The following VCAN variants were observed in gnomAD, a reference collection of about 807,000 sequenced individuals.
VCAN encodes versican, also known as versican core protein.
VCAN carries 44 observed loss-of-function variants against 245.5 expected under a neutral mutation model. That is an observed-to-expected ratio of 0.18 (90% CI 0.14 to 0.23). The LOEUF (loss-of-function observed/expected upper bound fraction) is 0.23, where lower values mean the gene tolerates loss of function less well. VCAN is among the 10% of genes least tolerant of loss of function. VCAN has a pLI of 1.00. For missense variants in VCAN, 3,793 were observed against 4,057.9 expected, an observed-to-expected ratio of 0.93 and a Z score of 1.77; for synonymous variants, 1,413 against 1,437.0, an observed-to-expected ratio of 0.98 and a Z score of 0.38.
At position 83,555,058 on chromosome 5, in the gene VCAN, G is replaced by T; in HGVS notation, c.9735+20G>T. ...ACACTGGTAAGATGCCCTTGAAAATGATGTCAAGTTCTACCTTCTGGAAAT... is the reference window on the plus strand; with the variant it reads ...ACACTGGTAAGATGCCCTTGAAAATTATGTCAAGTTCTACCTTCTGGAAAT... On this transcript the variant is annotated intron_variant, in intron 12 of 14. Transcript: ENST00000265077. The T allele has an allele frequency of 6.2e-7, 1 of 1,612,612 alleles. No individual in the cohort carries two copies. The highest frequency in any genetic ancestry group is 8.5e-7 in the Non-Finnish European group (1 of 1,178,910).
intron 13 of VCAN, among the ~76,000 whole-genome samples, chr5:83,576,065 A>G (rs905464068): frequency 6.6e-6 from 1 of 152,252 alleles, no homozygotes; most frequent in African/African-American, 2.4e-5. Context: ...ATTAACTATT[A>G]CATACTTGTA....
At chr5:83,568,497 C>A (rs928870332) in intron 12 of VCAN, among the ~76,000 whole-genome samples, 11 of 152,088 alleles carry the variant, frequency 7.2e-5, no homozygotes, top group African/African-American at 1.7e-4. Context: ...TTAACAGAGG[C>A]CTGAATCTGG....
chr5:83,503,354 C>T (rs924217593), intron 5 of VCAN, among the ~76,000 whole-genome samples: 8 of 152,142 alleles, frequency 5.3e-5, no homozygotes, highest in Non-Finnish European at 1.0e-4. Context: ...GTGATTTTAT[C>T]GTATGGGTAT....
At chr5:83,555,651 C>T (rs1747641662) in intron 12 of VCAN, among the ~76,000 whole-genome samples, 1 of 152,146 alleles carries the variant, frequency 6.6e-6, no homozygotes, top group Admixed American at 6.6e-5. Flanking sequence ...GTCACTCTTA[C>T]TAAACTCAAA....
intron 5 of VCAN, among the ~76,000 whole-genome samples, chr5:83,510,973 G>C (rs977558719): frequency 2.0e-5 from 3 of 152,064 alleles, no homozygotes; most frequent in Non-Finnish European, 4.4e-5. Flanking sequence ...AATTAGCTGG[G>C]CGTGGTGGCA....
chr5:83,568,887 T>TAC (rs1387355217), intron 12 of VCAN, among the ~76,000 whole-genome samples: 174 of 152,118 alleles, frequency 1.1e-3, no homozygotes, highest in African/African-American at 4.1e-3. Context: ...GTCTTTTATA[T>TAC]ACACAGACAC....
At chr5:83,518,490 A>G (rs1423149433) in intron 6 of VCAN, among the ~76,000 whole-genome samples, 2 of 152,202 alleles carry the variant, frequency 1.3e-5, no homozygotes, top group African/African-American at 2.4e-5. Flanking sequence ...CCTAAAATAC[A>G]TTATGTGGGT....
intron 12 of VCAN, among the ~76,000 whole-genome samples, chr5:83,564,393 C>A (rs1747997236): frequency 6.6e-6 from 1 of 152,140 alleles, no homozygotes; most frequent in African/African-American, 2.4e-5. Flanking sequence ...ATAATACTAT[C>A]TGTAAATCAA....
In VCAN at chr5:83,522,229, C is replaced by T. The variant is rs1443911354; in HGVS notation, c.3923C>T (p.Ser1308Phe). The T allele has an allele frequency of 6.2e-6, 10 of 1,601,600 alleles. No individual in the cohort carries two copies. The highest frequency in any genetic ancestry group is 4.5e-5 in the East Asian group (2 of 44,886). The stretch of plus-strand genomic sequence containing the variant: ...GAGGCCTTTGGACCTCAGGCGCTTT[C>T]TACGCCACAGCCCCCAGCAAGCACA... The part of the protein sequence containing the change: ...DKEAFGPQAL[S>F]TPQPPASTKF... The change falls in exon 7 of 15, where the codon TCT becomes TTT. Residue 1308 changes from serine to phenylalanine, a missense_variant. By Grantham distance (155) the Ser-to-Phe change is radical. This residue lies in a region of VCAN where 3,182 missense variants were observed against 3,250.3 expected (regional missense o/e 0.98). Coordinates refer to ENST00000265077, the MANE Select transcript of VCAN (RefSeq NM_004385.5).
intron 7 of VCAN, among the ~76,000 whole-genome samples, chr5:83,532,586 C>T (rs915980990): frequency 9.9e-5 from 15 of 151,940 alleles, no homozygotes; most frequent in African/African-American, 3.1e-4. Context: ...CCAGGTGCAG[C>T]GGTACACACT....
At chr5:83,512,460 A>G (rs553518317) in intron 6 of VCAN, 64 bp downstream of exon 6, 1 of 1,558,162 alleles carries the variant, frequency 6.4e-7, no homozygotes, top group Middle Eastern at 2.2e-4. Context: ...GCATGCATTG[A>G]TGTTCAACTA....
intron 7 of VCAN, among the ~76,000 whole-genome samples, chr5:83,523,669 C>A (rs1746185865): frequency 6.6e-6 from 1 of 151,982 alleles, no homozygotes; most frequent in Admixed American, 6.6e-5. Flanking sequence ...GAGAACACAC[C>A]CACAGAGTAT....
chr5:83,555,609 A>G (rs141701523), intron 12 of VCAN, among the ~76,000 whole-genome samples: 1 of 152,322 alleles, frequency 6.6e-6, no homozygotes. Context: ...GTAGACTGTA[A>G]TAGGTTCTTA....
intron 12 of VCAN, chr5:83,562,032 TGAAGATCTTA>T (rs1461194842): frequency 6.6e-6 from 1 of 152,176 alleles, no homozygotes; most frequent in Non-Finnish European, 1.5e-5. Flanking sequence ...TTTTCCTACC[TGAAGATCTTA>T]GAAGACTTTC....
intron 10 of VCAN, 62 bp from the exon 11 acceptor site, chr5:83,553,302 T>C (rs139398708): frequency 5.6e-6 from 9 of 1,602,084 alleles, no homozygotes; most frequent in Admixed American, 5.0e-5. Context: ...AACACTTGGT[T>C]GGGGGTGCCA....
At position 83,539,387 on chromosome 5, in the gene VCAN, C is replaced by T. The variant is rs1415557236; in HGVS notation, c.6384C>T (p.Ser2128=). ...EQIQEEKSFE[S]PQNSPATEQT... Reference sequence around the variant, plus strand: ...TTCAAGAAGAAAAGTCATTTGAATCCCCTCAAAACTCTCCTGCAACAGAAC... The same window carrying T: ...TTCAAGAAGAAAAGTCATTTGAATCTCCTCAAAACTCTCCTGCAACAGAAC... The change falls in exon 8 of 15, where the codon TCC becomes TCT. Residue 2128 remains serine (S), a synonymous_variant. Transcript: ENST00000265077. 6.2e-7 allele frequency: 1 copy of T among 1,613,860 alleles called. No homozygotes were observed. Among genetic ancestry groups the T allele is most frequent in the African/African-American group, 1.3e-5 (1 of 74,966 alleles).
intron 6 of VCAN, among the ~76,000 whole-genome samples, chr5:83,517,503 T>C (rs573465812): frequency 8.5e-5 from 13 of 152,206 alleles, no homozygotes; most frequent in Non-Finnish European, 1.5e-4. Flanking sequence ...TTTTTACTAT[T>C]TCCCCAAAGA....
Position 83,550,887 on chromosome 5 carries a change from C to CAAAAAAA in VCAN, c.9494-2462_9494-2456dup, listed in dbSNP as rs57081110. On this transcript the variant is annotated intron_variant, in intron 10 of 14. Transcript: ENST00000265077. ...GGGTGACAAGAGTGAGACTCCATCT[C>CAAAAAAA]AAAAAAAAAAAAAAAAAAAAAGTGA... Among the ~76,000 whole-genome samples the CAAAAAAA allele has an allele frequency of 1.7e-3, 83 of 50,078 alleles. 4 individuals carry two copies. Among genetic ancestry groups the CAAAAAAA allele is most frequent in the African/African-American group, 6.2e-3 (76 of 12,256 alleles). 32.9% of individuals were successfully genotyped at this position (50,078 alleles called of 152,430 possible).
intron 5 of VCAN, among the ~76,000 whole-genome samples, chr5:83,495,104 A>G (rs1013908284): frequency 6.6e-5 from 10 of 152,240 alleles, no homozygotes; most frequent in African/African-American, 2.4e-4. Context: ...AATAGTGTTA[A>G]ATTAAATTAT....
Sources: allele counts gnomAD v4.1 joint callset (sites outside exome capture counted in the v4.1 genomes callset), GRCh38; gene constraint gnomAD v4.1.1; regional missense constraint gnomAD v4.1.1; transcripts MANE v1.5; gene names NCBI Gene and HGNC (gene_info 2026-07-23, HGNC 2026-07-21).